Variants in ANKS1A observed in about 807,000 individuals in gnomAD.
ANKS1A encodes ankyrin repeat and SAM domain-containing protein 1A.
Under a neutral mutation model 120.3 loss-of-function variants are expected in ANKS1A, and 55 were observed. That is an observed-to-expected ratio of 0.46 (90% confidence interval 0.37 to 0.57). ANKS1A has a LOEUF of 0.57. Ranked by LOEUF, ANKS1A falls within the 20% of genes least tolerant of loss-of-function variation. ANKS1A has a pLI of 0.00. For missense variants in ANKS1A, 1,123 were observed against 1,480.3 expected (o/e 0.76, Z 3.96); for synonymous variants, 590 against 604.7 (o/e 0.98, Z 0.36).
intron 9 of ANKS1A, among the ~76,000 whole-genome samples, chr6:34,991,870 T>A (rs571506650): frequency 1.3e-5 from 2 of 148,386 alleles, no homozygotes; most frequent in Admixed American, 1.3e-4. Context: ...AAAAAAAGAT[T>A]AAGGAGTAAT....
In ANKS1A at chr6:35,021,173, CA is replaced by C. The variant is rs758199297; in HGVS notation, c.2010+3115del. On this transcript the variant is annotated intron_variant, in intron 11 of 23. Transcript: ENST00000360359. ...AGGGCATTAGTTAATGGCTGCTCCC[CA>C]CCCTATCCCTGACCAGTGCCTGTAG... 9.6e-4 allele frequency among the ~76,000 whole-genome samples: 147 copies of C among 152,358 alleles called. 1 individual carries two copies. The East Asian group carries it at 0.012, about 12-fold the overall frequency.
intron 3 of ANKS1A, chr6:34,972,660 C>G (rs774853383): frequency 1.7e-5 from 17 of 982,994 alleles, no homozygotes; most frequent in Non-Finnish European, 2.1e-5. Flanking sequence ...ACTTTGCTGC[C>G]AGGAATTCTC....
chr6:35,018,998 C>T (rs1472893264), intron 11 of ANKS1A, among the ~76,000 whole-genome samples: 1 of 152,108 alleles, frequency 6.6e-6, no homozygotes, highest in Non-Finnish European at 1.5e-5. Flanking sequence ...CCAGATTGGT[C>T]AGGCAGAAGA....
chr6:35,080,051 G>A, intron 16 of ANKS1A, 123 bp downstream of exon 16: 1 of 1,128,698 alleles, frequency 8.9e-7, no homozygotes, highest in Non-Finnish European at 1.3e-6. Context: ...CCAACAAGAA[G>A]AGAGGAGTAC....
At chr6:34,924,316 T>TAAAAAA in intron 1 of ANKS1A, among the ~76,000 whole-genome samples, 1 of 152,298 alleles carries the variant, frequency 6.6e-6, no homozygotes, top group East Asian at 1.9e-4. Context: ...AGCCCTCAGT[T>TAAAAAA]GTCATTATAG....
chr6:34,991,671 CACATATATAT>C (rs1772544412), intron 9 of ANKS1A, among the ~76,000 whole-genome samples: 1 of 35,378 alleles, frequency 2.8e-5, no homozygotes, highest in Admixed American at 3.3e-4. Context: ...CATATATATA[CACATATATAT>C]ACATATATAC....
intron 1 of ANKS1A, among the ~76,000 whole-genome samples, chr6:34,957,088 T>A (rs1453034915): frequency 6.6e-6 from 1 of 152,198 alleles, no homozygotes; most frequent in Non-Finnish European, 1.5e-5. Flanking sequence ...CTTACCTACT[T>A]TTTATCTTTC....
rs544631200 is a variant in ANKS1A, at chr6:34,909,445, A to G, written c.197+19846A>G. ...CACTTGCCAGTAGTTTATATGATCA[A>G]AGAACATCAGTTAACACCCAGTTCT... On this transcript the variant is annotated intron_variant, in intron 1 of 23. Coordinates refer to ENST00000360359, the MANE Select transcript of ANKS1A (RefSeq NM_015245.3). Among the ~76,000 whole-genome samples the G allele has an allele frequency of 3.4e-4, 52 of 152,340 alleles. 1 individual carries two copies. The highest frequency in any genetic ancestry group is 2.2e-3 in the Admixed American group (33 of 15,298).
At chr6:34,907,243 A>T (rs1444977266) in intron 1 of ANKS1A, among the ~76,000 whole-genome samples, 2 of 152,194 alleles carry the variant, frequency 1.3e-5, no homozygotes, top group African/African-American at 2.4e-5. Context: ...ACATGAATGT[A>T]AAAACTAGGG....
intron 11 of ANKS1A, among the ~76,000 whole-genome samples, chr6:35,032,023 G>A (rs2127570622): frequency 6.6e-6 from 1 of 152,334 alleles, no homozygotes; most frequent in East Asian, 1.9e-4. Flanking sequence ...AGCCTACTGT[G>A]TGCTTAGGCT....
intron 1 of ANKS1A, among the ~76,000 whole-genome samples, chr6:34,904,773 G>A (rs749549717): frequency 6.6e-6 from 1 of 152,020 alleles, no homozygotes; most frequent in Non-Finnish European, 1.5e-5. Flanking sequence ...GTTGCTCAAG[G>A]TGACATCTGA....
chr6:35,038,030 C>T (rs879030639), intron 11 of ANKS1A, among the ~76,000 whole-genome samples: 1 of 152,078 alleles, frequency 6.6e-6, no homozygotes, highest in Admixed American at 6.5e-5. Flanking sequence ...CGTCAGGTCT[C>T]TTTGTCTCTT....
rs71538280 is a variant in ANKS1A at position 34,889,525 on chromosome 6, G to GGGCGGCGGC, written c.130_138dup (p.Gly44_Gly46dup). Reference sequence around the variant, plus strand: ...GGGGCGGCGGCGGCGGTGGCTCTGGGGGCGGCGGCGGCGGCAGCGGCGGCG... The same window carrying GGGCGGCGGC: ...GGGGCGGCGGCGGCGGTGGCTCTGGGGGCGGCGGCGGCGGCGGCGGCGGCAGCGGCGGCG... On this transcript the variant is annotated inframe_insertion, in exon 1 of 24. Coordinates refer to ENST00000360359, the MANE Select transcript of ANKS1A (RefSeq NM_015245.3). This position sits in a 1 kb window ranked among gnomAD's most constrained non-coding sequence, Gnocchi z 5.5. 14 of 1,272,060 alleles carry GGGCGGCGGC rather than the reference G, an allele frequency of 1.1e-5. No homozygotes were observed. Among genetic ancestry groups the GGGCGGCGGC allele is most frequent in the Admixed American group, 4.2e-5 (1 of 23,880 alleles). The allele number at this position is 1,272,060 out of a possible 1,614,324, so 78.8% of individuals were successfully genotyped here.
At chr6:34,905,229 T>C (rs1767589776) in intron 1 of ANKS1A, among the ~76,000 whole-genome samples, 1 of 152,246 alleles carries the variant, frequency 6.6e-6, no homozygotes, top group African/African-American at 2.4e-5. Flanking sequence ...ATTTTGACAC[T>C]TACCACATCA....
rs1352607363 is a variant in ANKS1A, at chr6:35,088,776, G to A, written c.*167G>A. ...CCTGGGCCTGCCACCACCACGTCCT[G>A]CAGAACGAGCCCTGCCTTGGCTGTG... On this transcript the variant is annotated 3_prime_UTR_variant, in exon 24 of 24. Transcript: ENST00000360359. The A allele has an allele frequency of 4.5e-6, 7 of 1,540,836 alleles. No individual in the cohort carries two copies. Among genetic ancestry groups the A allele is most frequent in the Middle Eastern group, 1.7e-4 (1 of 5,866 alleles).
chr6:34,961,897 G>A (rs1179524288), intron 1 of ANKS1A, among the ~76,000 whole-genome samples: 1 of 152,210 alleles, frequency 6.6e-6, no homozygotes, highest in Non-Finnish European at 1.5e-5. Context: ...AGATCAGACA[G>A]TCCTTGTTTG....
intron 1 of ANKS1A, among the ~76,000 whole-genome samples, chr6:34,965,002 C>T (rs929695763): frequency 2.0e-5 from 3 of 152,214 alleles, no homozygotes; most frequent in Non-Finnish European, 2.9e-5. Context: ...AGTAATTCCT[C>T]AGCATTGCTG....
intron 1 of ANKS1A, among the ~76,000 whole-genome samples, chr6:34,895,589 A>T (rs1039759342): frequency 2.6e-5 from 4 of 152,096 alleles, no homozygotes; most frequent in Non-Finnish European, 4.4e-5. Context: ...AACACTGACC[A>T]TGTAAGGATT....
chr6:35,052,609 T>TAAA (rs59378149), intron 11 of ANKS1A, among the ~76,000 whole-genome samples: 1 of 102,426 alleles, frequency 9.8e-6, no homozygotes, highest in African/African-American at 4.0e-5. Flanking sequence ...TCTTCTCTGT[T>TAAA]AAAAAAAAAA....
Sources: allele counts gnomAD v4.1 joint callset (sites outside exome capture counted in the v4.1 genomes callset), GRCh38; gene constraint gnomAD v4.1.1; non-coding constraint Gnocchi (gnomAD v3.1); transcripts MANE v1.5; gene names NCBI Gene and HGNC (gene_info 2026-07-23, HGNC 2026-07-21).